TNKS: variants seen among roughly 807,000 people sequenced by gnomAD.
The protein encoded by TNKS is poly [ADP-ribose] polymerase tankyrase-1.
A neutral mutation model predicts 135.8 loss-of-function variants in TNKS; 72 were observed. The observed-to-expected ratio is 0.53, with a 90% CI of 0.44 to 0.64. The LOEUF (loss-of-function observed/expected upper bound fraction) is 0.64. TNKS is among the 30% of genes least tolerant of loss of function. The pLI is 0.00. For synonymous variants in TNKS, 849 were observed against 649.3 expected, an observed-to-expected ratio of 1.31 and a Z score of -4.68; for missense variants, 1,769 against 1,674.0, an observed-to-expected ratio of 1.06 and a Z score of -0.99.
chr8:9,593,674 A>G (rs575814061), intron 2 of TNKS, among the ~76,000 whole-genome samples: 3 of 152,140 alleles, frequency 2.0e-5, no homozygotes, highest in African/African-American at 4.8e-5. Flanking sequence ...TGTGTCTGCT[A>G]TTTAGAAAGA....
chr8:9,580,311 A>C lies in TNKS; in HGVS notation c.826A>C (p.Asn276His). 6.2e-7 allele frequency: 1 copy of C among 1,614,178 alleles called. No individual in the cohort carries two copies. ...GTTATTGTGCCAAGGAGCTGATCCAAATGCCAGGGATAACTGGAACTATAC... is the reference window on the plus strand; with the variant it reads ...GTTATTGTGCCAAGGAGCTGATCCACATGCCAGGGATAACTGGAACTATAC... ...SLLLCQGADP[N>H]ARDNWNYTPL... is the part of the protein sequence containing the mutation. Residue 276 changes from asparagine to histidine, a missense_variant, in exon 2 of 27, where the codon AAT becomes CAT. Physicochemically the swap from Asn to His is moderately conservative, Grantham distance 68. This residue lies in a region of TNKS where 523 missense variants were observed against 541.0 expected (regional missense o/e 0.97). Coordinates refer to ENST00000310430, the MANE Select transcript of TNKS (RefSeq NM_003747.3).
intron 5 of TNKS, among the ~76,000 whole-genome samples, chr8:9,692,220 C>G (rs58618443): frequency 6.6e-6 from 1 of 152,154 alleles, no homozygotes; most frequent in African/African-American, 2.4e-5. Context: ...AAGCAGTCCC[C>G]GGTGCCTGTT....
intron 7 of TNKS, 106 bp from the exon 8 acceptor site, chr8:9,706,705 T>C (rs1804064523): frequency 2.8e-6 from 3 of 1,084,446 alleles, no homozygotes; most frequent in South Asian, 1.7e-5. Context: ...AAAACACTTA[T>C]TTGAACAAGT....
At chr8:9,583,115 A>G (rs911053541) in intron 2 of TNKS, among the ~76,000 whole-genome samples, 1 of 148,420 alleles carries the variant, frequency 6.7e-6, no homozygotes, top group South Asian at 2.2e-4. Context: ...TGATGAGCTG[A>G]GATTGCACCA....
intron 20 of TNKS, among the ~76,000 whole-genome samples, chr8:9,758,886 G>A (rs1166512700): frequency 6.6e-6 from 1 of 152,164 alleles, no homozygotes; most frequent in Non-Finnish European, 1.5e-5. Flanking sequence ...TTTGCTTCAC[G>A]ATCTCTCACA....
intron 17 of TNKS, chr8:9,741,663 T>C (rs535648457): frequency 5.7e-5 from 29 of 507,710 alleles, no homozygotes; most frequent in South Asian, 3.8e-4. Flanking sequence ...TCCCCATCAG[T>C]TAAGATGTTA....
chr8:9,679,918 A>G, intron 3 of TNKS, 33 bp from the exon 4 acceptor site: 3 of 1,592,822 alleles, frequency 1.9e-6, no homozygotes, highest in Non-Finnish European at 2.6e-6. Flanking sequence ...CTTCTGCCAA[A>G]TGCTAACAGC....
At chr8:9,674,637 T>C (rs1442644753) in intron 3 of TNKS, among the ~76,000 whole-genome samples, 3 of 152,186 alleles carry the variant, frequency 2.0e-5, no homozygotes, top group Non-Finnish European at 4.4e-5. Flanking sequence ...GTGTGACTGA[T>C]GAACAGAATT....
chr8:9,712,584 A>G (rs1432400102), intron 11 of TNKS, among the ~76,000 whole-genome samples: 1 of 152,180 alleles, frequency 6.6e-6, no homozygotes, highest in Non-Finnish European at 1.5e-5. Context: ...GATATTTTCT[A>G]GCATAAGTAA....
chr8:9,756,217 C>G lies in TNKS; in HGVS notation c.3153+3591C>G, dbSNP rs555604372. ...TTCTTGAAGACAAAAGCATGGCCTC[C>G]CATAATTCATTGTGAACTTGATTAT... is the stretch of plus-strand genomic sequence containing the variant. On this transcript the variant is annotated intron_variant, in intron 20 of 26. Transcript: ENST00000310430. 1.1e-4 allele frequency among the ~76,000 whole-genome samples: 17 copies of G among 152,188 alleles called. 1 individual carries two copies. The South Asian group carries it at 3.5e-3, about 32-fold the overall frequency.
chr8:9,636,670 A>G (rs28635251), intron 3 of TNKS, among the ~76,000 whole-genome samples: 1 of 152,164 alleles, frequency 6.6e-6, no homozygotes, highest in Admixed American at 6.5e-5. Flanking sequence ...TTTTGAAGCA[A>G]ATGATATCTG....
chr8:9,662,548 G>A (rs1801771056), intron 3 of TNKS, among the ~76,000 whole-genome samples: 1 of 152,094 alleles, frequency 6.6e-6, no homozygotes, highest in Admixed American at 6.5e-5. Context: ...TGAACAATGA[G>A]AACACATGGA....
chr8:9,556,453 C>G lies in TNKS; in HGVS notation c.514C>G (p.Pro172Ala). ...TAPLGPGAAG[P>A]GTGVPAVSGA... ...ACCACTGGGGCCTGGGGCAGCAGGA[C>G]CTGGGACAGGGGTCCCAGCAGTGAG... The change falls in exon 1 of 27, where the codon CCT becomes GCT. Residue 172 changes from proline to alanine, a missense_variant. Around this residue, in one of 5 missense-constraint regions of TNKS, gnomAD observed 450 missense variants for 304.9 expected, o/e 1.48. Coordinates refer to ENST00000310430, the MANE Select transcript of TNKS (RefSeq NM_003747.3). The G allele has an allele frequency of 1.2e-6, 2 of 1,614,138 alleles. No individual in the cohort carries two copies. The highest frequency in any genetic ancestry group is 2.2e-5 in the East Asian group (1 of 44,874).
intron 3 of TNKS, among the ~76,000 whole-genome samples, chr8:9,619,776 C>T (rs967039988): frequency 2.0e-5 from 3 of 148,962 alleles, no homozygotes; most frequent in South Asian, 2.1e-4. Flanking sequence ...AAAATGTATC[C>T]GAAATCCTTT....
chr8:9,663,861 A>G (rs1232322357), intron 3 of TNKS, among the ~76,000 whole-genome samples: 1 of 152,116 alleles, frequency 6.6e-6, no homozygotes, highest in Admixed American at 6.5e-5. Flanking sequence ...CCTTCCTAGC[A>G]CCTCCACACG....
At chr8:9,740,055 T>TAAAAAAAAAAAAAA (rs58285747) in intron 17 of TNKS, among the ~76,000 whole-genome samples, 1 of 87,448 alleles carries the variant, frequency 1.1e-5, no homozygotes, top group East Asian at 3.6e-4. Flanking sequence ...TAGAGTATAA[T>TAAAAAAAAAAAAAA]AAAAAAAAAA....
intron 3 of TNKS, among the ~76,000 whole-genome samples, chr8:9,631,193 A>C (rs530501822): frequency 6.7e-4 from 102 of 152,310 alleles, no homozygotes; most frequent in African/African-American, 2.2e-3. Context: ...TAACATTATG[A>C]TTATAATACC....
intron 2 of TNKS, among the ~76,000 whole-genome samples, chr8:9,611,687 C>T (rs1799470250): frequency 6.6e-6 from 1 of 152,256 alleles, no homozygotes; most frequent in East Asian, 1.9e-4. Flanking sequence ...CATGTATGTG[C>T]CATTCTTCTG....
intron 3 of TNKS, among the ~76,000 whole-genome samples, chr8:9,643,747 T>G (rs756633854): frequency 2.6e-5 from 4 of 152,194 alleles, no homozygotes; most frequent in Non-Finnish European, 5.9e-5. Flanking sequence ...AATTCCCATA[T>G]GACCCGGCAA....
Sources: gnomAD v4.1 joint callset for allele counts (sites outside exome capture counted in the v4.1 genomes callset) on GRCh38, gnomAD v4.1.1 for gene constraint, gnomAD v4.1.1 regional missense constraint, MANE v1.5 for transcripts, NCBI Gene and HGNC (gene_info 2026-07-23, HGNC 2026-07-21) for gene names.